NKAIN2: variants seen among roughly 807,000 people sequenced by gnomAD.
NKAIN2 encodes the protein sodium/potassium transporting ATPase interacting 2.
NKAIN2 carries 14 observed loss-of-function variants against 32.6 expected under a neutral mutation model. That is an observed-to-expected ratio of 0.43 (90% confidence interval 0.28 to 0.67). The LOEUF is 0.67. Ranked by LOEUF, NKAIN2 falls within the 30% of genes least tolerant of loss-of-function variation. The pLI, the probability that NKAIN2 is intolerant of heterozygous loss-of-function variation, is 0.17. For synonymous variants in NKAIN2, 80 were observed against 87.2 expected, an observed-to-expected ratio of 0.92 and a Z score of 0.46; for missense variants, 198 against 258.3, an observed-to-expected ratio of 0.77 and a Z score of 1.60.
At chr6:124,227,789 T>TG (rs1421058496) in intron 1 of NKAIN2, among the ~76,000 whole-genome samples, 2 of 152,154 alleles carry the variant, frequency 1.3e-5, no homozygotes, top group Non-Finnish European at 2.9e-5. Context: ...TGAGGGCAGA[T>TG]GGGCCTTCTG....
intron 4 of NKAIN2, among the ~76,000 whole-genome samples, chr6:124,679,081 G>A (rs980699378): frequency 5.3e-5 from 8 of 151,950 alleles, no homozygotes; most frequent in African/African-American, 9.7e-5. Flanking sequence ...CAGGCTTCTC[G>A]AGTATACTAG....
intron 3 of NKAIN2, among the ~76,000 whole-genome samples, chr6:124,419,794 G>A (rs143657396): frequency 6.6e-5 from 10 of 151,966 alleles, no homozygotes; most frequent in South Asian, 4.2e-4. Flanking sequence ...TTTAGAAGTC[G>A]CTCTTACTAA....
intron 3 of NKAIN2, among the ~76,000 whole-genome samples, chr6:124,624,642 G>T (rs1489778940): frequency 6.6e-6 from 1 of 152,082 alleles, no homozygotes; most frequent in African/African-American, 2.4e-5. Context: ...TTTATTTTCT[G>T]CACCTTCCCC....
chr6:124,298,299 A>G (rs1796150005), intron 2 of NKAIN2, among the ~76,000 whole-genome samples: 1 of 152,050 alleles, frequency 6.6e-6, no homozygotes, highest in East Asian at 1.9e-4. Context: ...GTAGCAATAT[A>G]CCTGTTTTCT....
chr6:124,010,709 T>G (rs1052028227), intron 1 of NKAIN2, among the ~76,000 whole-genome samples: 2 of 151,966 alleles, frequency 1.3e-5, no homozygotes, highest in Non-Finnish European at 2.9e-5. Context: ...TGTGTGTGCA[T>G]GTGGAAGGTT....
At chr6:124,224,777 C>T (rs560333868) in intron 1 of NKAIN2, among the ~76,000 whole-genome samples, 10 of 152,024 alleles carry the variant, frequency 6.6e-5, no homozygotes, top group South Asian at 4.1e-4. Flanking sequence ...ATATGTTTTC[C>T]ACTTTTCTAA....
intron 1 of NKAIN2, among the ~76,000 whole-genome samples, chr6:124,119,646 G>GA (rs538170836): frequency 6.6e-5 from 10 of 151,720 alleles, no homozygotes; most frequent in African/African-American, 9.7e-5. Context: ...ATGCAAATGA[G>GA]AAAAAAAATG....
chr6:124,705,858 G>A lies in NKAIN2; in HGVS notation c.474+47472G>A, dbSNP rs139519269. Among the ~76,000 whole-genome samples, 113 of 152,154 alleles carry A rather than the reference G, an allele frequency of 7.4e-4. 1 individual carries two copies. The highest frequency in any genetic ancestry group is 2.3e-3 in the African/African-American group (97 of 41,556). ...ATTAAGCATATGTTATTTTAAAACA[G>A]ACAGTCAAAGAAGTAGCATGAAGAG... On this transcript the variant is annotated intron_variant, in intron 4 of 6. Transcript: ENST00000368417.
At chr6:124,525,206 T>C (rs1779266359) in intron 3 of NKAIN2, among the ~76,000 whole-genome samples, 1 of 152,172 alleles carries the variant, frequency 6.6e-6, no homozygotes, top group Non-Finnish European at 1.5e-5. Flanking sequence ...GTGCACTGTA[T>C]GTGTGTCTCT....
intron 3 of NKAIN2, among the ~76,000 whole-genome samples, chr6:124,470,622 C>A (rs1776934113): frequency 6.6e-6 from 1 of 152,076 alleles, no homozygotes; most frequent in Non-Finnish European, 1.5e-5. Context: ...CTCTGATCAT[C>A]CAGATGATTA....
chr6:123,831,648 A>G (rs1582612093), intron 1 of NKAIN2, among the ~76,000 whole-genome samples: 6 of 132,566 alleles, frequency 4.5e-5, no homozygotes, highest in Admixed American at 8.1e-5. Context: ...CCTTTGTTAC[A>G]GTTTTTTTTT....
At chr6:124,589,832 C>T (rs941506002) in intron 3 of NKAIN2, among the ~76,000 whole-genome samples, 5 of 151,872 alleles carry the variant, frequency 3.3e-5, no homozygotes, top group African/African-American at 4.8e-5. Flanking sequence ...CCTTTTGCCC[C>T]CCACCCCCCA....
At chr6:124,607,179 A>C (rs1411754175) in intron 3 of NKAIN2, among the ~76,000 whole-genome samples, 1 of 152,198 alleles carries the variant, frequency 6.6e-6, no homozygotes, top group Non-Finnish European at 1.5e-5. Flanking sequence ...GTCTCTGTAA[A>C]GACACTAGAC....
chr6:124,037,239 C>A (rs928322984), intron 1 of NKAIN2, among the ~76,000 whole-genome samples: 7 of 152,052 alleles, frequency 4.6e-5, no homozygotes, highest in African/African-American at 1.7e-4. Context: ...TAAGTAGATT[C>A]ATAAAATTTA....
At chr6:124,458,463 T>G (rs1776405512) in intron 3 of NKAIN2, among the ~76,000 whole-genome samples, 1 of 151,872 alleles carries the variant, frequency 6.6e-6, no homozygotes, top group Non-Finnish European at 1.5e-5. Flanking sequence ...CTCTCTCTGC[T>G]GTTGGATCTG....
chr6:124,713,799 AT>A (rs763152877), intron 4 of NKAIN2, among the ~76,000 whole-genome samples: 3 of 152,216 alleles, frequency 2.0e-5, no homozygotes, highest in Non-Finnish European at 4.4e-5. Context: ...AATATTTCCA[AT>A]TATCAGAACT....
chr6:124,031,650 C>G (rs1211091940), intron 1 of NKAIN2, among the ~76,000 whole-genome samples: 1 of 152,084 alleles, frequency 6.6e-6, no homozygotes, highest in Admixed American at 6.6e-5. Context: ...TTTATTCCTG[C>G]CTTCATTTTG....
At chr6:124,571,793 C>T (rs1781137777) in intron 3 of NKAIN2, among the ~76,000 whole-genome samples, 1 of 152,170 alleles carries the variant, frequency 6.6e-6, no homozygotes, top group Non-Finnish European at 1.5e-5. Context: ...CATTCTCTCT[C>T]CTTTGGCTTC....
intron 3 of NKAIN2, among the ~76,000 whole-genome samples, chr6:124,441,097 T>G (rs1775668651): frequency 6.6e-6 from 1 of 152,114 alleles, no homozygotes; most frequent in African/African-American, 2.4e-5. Context: ...AGCTGGAAGC[T>G]TATGAATGGT....
Sources: allele counts gnomAD v4.1 joint callset (sites outside exome capture counted in the v4.1 genomes callset), GRCh38; gene constraint gnomAD v4.1.1; transcripts MANE v1.5; gene names NCBI Gene and HGNC (gene_info 2026-07-23, HGNC 2026-07-21).